The following CHD2 variants were observed in gnomAD, a reference collection of about 807,000 sequenced individuals.
CHD2 encodes the protein chromodomain helicase DNA binding protein 2.
Under a neutral mutation model 243.9 loss-of-function variants are expected in CHD2, and 28 were observed. The ratio of observed to expected loss-of-function variants is 0.11; its 90% CI spans 0.09 to 0.16. CHD2 has a LOEUF of 0.16. Among genes scored for constraint, CHD2 ranks in the 10% least tolerant of loss-of-function variants. The pLI is 1.00. For synonymous variants in CHD2, 775 were observed against 779.0 expected, an observed-to-expected ratio of 0.99 and a Z score of 0.09; for missense variants, 1,386 against 2,209.8, an observed-to-expected ratio of 0.63 and a Z score of 7.47.
chr15:93,012,495 G>A (rs1567163744), intron 36 of CHD2, 51 bp downstream of exon 36: 1 of 1,317,914 alleles, frequency 7.6e-7, no homozygotes, highest in South Asian at 1.3e-5. Context: ...CAATTCCACA[G>A]AAAAATCTCT....
At chr15:92,927,043 T>C (rs2053076175) in intron 3 of CHD2, among the ~76,000 whole-genome samples, 1 of 152,190 alleles carries the variant, frequency 6.6e-6, no homozygotes. Context: ...TGTTAAGTAA[T>C]GAAGACATTG....
chr15:92,921,124 A>G (rs1169431895), intron 2 of CHD2, among the ~76,000 whole-genome samples: 3 of 152,058 alleles, frequency 2.0e-5, no homozygotes, highest in African/African-American at 7.2e-5. Context: ...ATATGTCAGT[A>G]TTGTGGAAGT....
chr15:92,902,891 A>T (rs2052549996), intron 2 of CHD2: 1 of 152,174 alleles, frequency 6.6e-6, no homozygotes, highest in Non-Finnish European at 1.5e-5. Flanking sequence ...GTGCTTTCTA[A>T]TTCTAAAAAA....
At chr15:92,977,217 G>T (rs575906922) in intron 20 of CHD2, among the ~76,000 whole-genome samples, 1 of 152,232 alleles carries the variant, frequency 6.6e-6, no homozygotes, top group Non-Finnish European at 1.5e-5. Flanking sequence ...AAGAATCACA[G>T]ATTATGTGCC....
chr15:92,902,832 G>A (rs1306826946), intron 2 of CHD2: 1 of 152,190 alleles, frequency 6.6e-6, no homozygotes, highest in Non-Finnish European at 1.5e-5. Flanking sequence ...TCTCACATGG[G>A]TTTTGGCTCT....
intron 7 of CHD2, among the ~76,000 whole-genome samples, chr15:92,940,014 T>C (rs2053332495): frequency 6.6e-6 from 1 of 152,264 alleles, no homozygotes; most frequent in Non-Finnish European, 1.5e-5. Context: ...AACATTTTTT[T>C]CCATTAAAGA....
intron 35 of CHD2, among the ~76,000 whole-genome samples, chr15:93,011,073 C>CT (rs935812783): frequency 0.014 from 2,114 of 145,870 alleles, 23 homozygotes; most frequent in African/African-American, 0.032. Context: ...GGCATCTGGC[C>CT]TTTTTTTTTT....
At chr15:93,007,029 C>T (rs1463805178) in intron 34 of CHD2, among the ~76,000 whole-genome samples, 2 of 152,214 alleles carry the variant, frequency 1.3e-5, no homozygotes, top group African/African-American at 4.8e-5. Flanking sequence ...TCTTGCACTA[C>T]ACAAGTGAGA....
intron 7 of CHD2, among the ~76,000 whole-genome samples, chr15:92,941,147 G>A (rs1485099804): frequency 1.3e-5 from 2 of 150,770 alleles, no homozygotes; most frequent in East Asian, 3.9e-4. Flanking sequence ...GATTACAGGC[G>A]CCCACCATGC....
chr15:93,003,844 A>G (rs1403190976), intron 33 of CHD2, among the ~76,000 whole-genome samples: 1 of 151,976 alleles, frequency 6.6e-6, no homozygotes, highest in Non-Finnish European at 1.5e-5. Context: ...CATGAAGTCA[A>G]GCTAGGCGCA....
rs537804823 is a variant in CHD2 at position 92,986,659 on chromosome 15, G to T, written c.3413+986G>T. 3.9e-5 allele frequency among the ~76,000 whole-genome samples: 6 copies of T among 152,230 alleles called. No homozygotes were observed. In the South Asian group the frequency reaches 1.0e-3, roughly 26 times the overall value. ...TGTGTTTTCTGCTATGGGGCAGTAT[G>T]TTCTATAGCTGTATTTGGCTTAGTG... On this transcript the variant is annotated intron_variant, in intron 26 of 38. Coordinates refer to ENST00000394196, the MANE Select transcript of CHD2 (RefSeq NM_001271.4).
At chr15:92,919,836 G>C (rs2052921000) in intron 2 of CHD2, among the ~76,000 whole-genome samples, 1 of 152,058 alleles carries the variant, frequency 6.6e-6, no homozygotes, top group Non-Finnish European at 1.5e-5. Context: ...AAATACTTAA[G>C]GTATATAATG....
chr15:92,985,931 G>T (rs945745205), intron 26 of CHD2, among the ~76,000 whole-genome samples: 1 of 152,100 alleles, frequency 6.6e-6, no homozygotes, highest in Non-Finnish European at 1.5e-5. Context: ...TTTTCACAAA[G>T]TTCAGCTCGG....
rs1488275340 is a variant in CHD2 at position 92,979,147 on chromosome 15, C to T, written c.2740C>T (p.Arg914Cys). 3 of 1,613,654 alleles carry T rather than the reference C, an allele frequency of 1.9e-6. No individual in the cohort carries two copies. The highest frequency in any genetic ancestry group is 2.5e-6 in the Non-Finnish European group (3 of 1,179,910). The change falls in exon 22 of 39, where the codon CGC becomes TGC. Residue 914 changes from arginine (R) to cysteine (C), a missense_variant. Coordinates refer to ENST00000394196, the MANE Select transcript of CHD2 (RefSeq NM_001271.4). The part of the protein sequence containing the change: ...IGQKKQVNIY[R>C]LVTKGTVEEE... ...CCTTTTCCTACAGGTAAATATTTAC[C>T]GCTTAGTTACAAAGGGGACTGTGGA...
intron 7 of CHD2, 69 bp downstream of exon 7, chr15:92,939,787 A>G (rs1029517931): frequency 5.2e-6 from 8 of 1,538,822 alleles, no homozygotes; most frequent in Admixed American, 3.7e-5. Context: ...TTTGGTTCTC[A>G]TAAGTCCGGG....
rs192615180 is a variant in CHD2 at position 92,999,725 on chromosome 15, T to G, written c.4009-787T>G. 2.0e-4 allele frequency among the ~76,000 whole-genome samples: 30 copies of G among 152,332 alleles called. No individual in the cohort carries two copies. The East Asian group carries it at 2.1e-3, about 11-fold the overall frequency. On this transcript the variant is annotated intron_variant, in intron 31 of 38. Coordinates refer to ENST00000394196, the MANE Select transcript of CHD2 (RefSeq NM_001271.4). ...GTTGAGTATGCAATATATTATGTGT[T>G]AGGCTCTGGAAAGGCAGAGGTTAGA...
intron 13 of CHD2, chr15:92,950,349 T>C (rs780313254): frequency 5.9e-5 from 9 of 152,248 alleles, no homozygotes. Context: ...CTTTTTACTT[T>C]TCACATGCGG....
rs1443120117 is a variant in CHD2 at position 92,981,352 on chromosome 15, TTTG to T, written c.2974-10_2974-8del. The T allele has an allele frequency of 1.9e-6, 3 of 1,606,042 alleles. No individual in the cohort carries two copies. Among genetic ancestry groups the T allele is most frequent in the Non-Finnish European group, 2.6e-6 (3 of 1,173,218 alleles). ...CCATTTTATTCTATTCGTGTTGGCT[TTTG>T]TTCTTTTAGGAAATGGATATAGATG... is the stretch of plus-strand genomic sequence containing the variant. On this transcript the variant is annotated splice_polypyrimidine_tract_variant and intron_variant, in intron 23 of 38. Transcript: ENST00000394196.
chr15:93,002,435 A>G, intron 33 of CHD2, 118 bp downstream of exon 33: 1 of 1,464,324 alleles, frequency 6.8e-7, no homozygotes, highest in Non-Finnish European at 9.0e-7. Context: ...GGGTATGTTC[A>G]AGAAGGATGG....
Sources: gnomAD v4.1 joint callset for allele counts (sites outside exome capture counted in the v4.1 genomes callset) on GRCh38, gnomAD v4.1.1 for gene constraint, MANE v1.5 for transcripts, NCBI Gene and HGNC (gene_info 2026-07-23, HGNC 2026-07-21) for gene names.